The following AOAH variants were observed in gnomAD, a reference collection of about 807,000 sequenced individuals.
The protein encoded by AOAH is acyloxyacyl hydrolase, also known as acyloxyacyl hydrolase (neutrophil).
A neutral mutation model predicts 92.2 loss-of-function variants in AOAH; 64 were observed. That is an observed-to-expected ratio of 0.69 (90% CI 0.57 to 0.86). AOAH has a LOEUF of 0.86. Ranked by LOEUF, AOAH falls within the 40% of genes least tolerant of loss-of-function variation. The pLI is 0.00. For synonymous variants in AOAH, 263 were observed against 254.5 expected, an observed-to-expected ratio of 1.03 and a Z score of -0.32; for missense variants, 656 against 694.6, an observed-to-expected ratio of 0.94 and a Z score of 0.62.
chr7:36,618,364 G>A lies in AOAH; in HGVS notation c.703-19C>T. The A allele has an allele frequency of 6.2e-7, 1 of 1,612,998 alleles. No individual in the cohort carries two copies. Among genetic ancestry groups the A allele is most frequent in the African/African-American group, 1.3e-5 (1 of 74,978 alleles). The stretch of plus-strand genomic sequence containing the variant: ...CGACACCCTTTAAAAAAGAAACGAT[G>A]TGATTAGCAGTTTGGTTTTAAATTT... On this transcript the variant is annotated intron_variant, in intron 9 of 20. Coordinates refer to ENST00000617537, the MANE Select transcript of AOAH (RefSeq NM_001637.4).
intron 16 of AOAH, 144 bp downstream of exon 16, chr7:36,540,175 C>G (rs535988941): frequency 1.4e-6 from 1 of 709,238 alleles, no homozygotes; most frequent in African/African-American, 1.8e-5. Context: ...AGATACTGCA[C>G]CTAGGGGCTC....
intron 4 of AOAH, among the ~76,000 whole-genome samples, chr7:36,654,424 G>A (rs1355326397): frequency 2.0e-5 from 3 of 152,182 alleles, no homozygotes; most frequent in Non-Finnish European, 4.4e-5. Context: ...GTGGTAGGGA[G>A]ACACGTCCAC....
At chr7:36,708,805 C>A (rs1798584489) in intron 1 of AOAH, among the ~76,000 whole-genome samples, 1 of 152,118 alleles carries the variant, frequency 6.6e-6, no homozygotes, top group Non-Finnish European at 1.5e-5. Flanking sequence ...TTCTAAGGAT[C>A]ACTCCTGTGT....
intron 12 of AOAH, among the ~76,000 whole-genome samples, chr7:36,581,008 T>C (rs1215711324): frequency 2.0e-5 from 3 of 152,182 alleles, no homozygotes; most frequent in African/African-American, 7.2e-5. Flanking sequence ...TTGACTTTAG[T>C]GTTTCCAGAG....
At chr7:36,652,233 C>T (rs896233562) in intron 4 of AOAH, among the ~76,000 whole-genome samples, 1 of 151,446 alleles carries the variant, frequency 6.6e-6, no homozygotes, top group African/African-American at 2.4e-5. Flanking sequence ...CAAAAGGACA[C>T]AGGAGCCACC....
chr7:36,627,242 GA>G (rs1183352235), intron 6 of AOAH, among the ~76,000 whole-genome samples: 1 of 151,888 alleles, frequency 6.6e-6, no homozygotes, highest in Non-Finnish European at 1.5e-5. Context: ...ATGTAGAGAG[GA>G]AAAAAACGTT....
At chr7:36,713,167 A>G (rs2116981428) in intron 1 of AOAH, among the ~76,000 whole-genome samples, 1 of 152,336 alleles carries the variant, frequency 6.6e-6, no homozygotes, top group African/African-American at 2.4e-5. Context: ...AAAAAAAGGC[A>G]GGGGTTGCAA....
intron 2 of AOAH, among the ~76,000 whole-genome samples, chr7:36,678,578 T>C (rs1796411429): frequency 1.2e-4 from 15 of 127,536 alleles, no homozygotes; most frequent in African/African-American, 5.3e-4. Context: ...TGTGTGTGTG[T>C]GTGTGTGTGT....
At chr7:36,670,646 T>G (rs904616973) in intron 3 of AOAH, among the ~76,000 whole-genome samples, 1 of 152,064 alleles carries the variant, frequency 6.6e-6, no homozygotes, top group Non-Finnish European at 1.5e-5. Flanking sequence ...GGCTAATTTT[T>G]TTTGTATTTT....
chr7:36,546,009 C>T (rs554424532), intron 15 of AOAH, among the ~76,000 whole-genome samples: 48 of 152,316 alleles, frequency 3.2e-4, no homozygotes, highest in African/African-American at 9.4e-4. Flanking sequence ...ATAGGAAAAG[C>T]GCAAAGGAAG....
chr7:36,674,577 T>C (rs1404358252), intron 2 of AOAH, among the ~76,000 whole-genome samples: 1 of 152,226 alleles, frequency 6.6e-6, no homozygotes, highest in Non-Finnish European at 1.5e-5. Context: ...TAATCTCCCC[T>C]GACCTATGAG....
intron 1 of AOAH, among the ~76,000 whole-genome samples, chr7:36,721,399 C>A (rs888193145): frequency 6.6e-6 from 1 of 152,162 alleles, no homozygotes; most frequent in South Asian, 2.1e-4. Flanking sequence ...TTGCCAAGAG[C>A]ACTTCTCAAT....
At chr7:36,557,543 T>C (rs1786844471) in intron 13 of AOAH, among the ~76,000 whole-genome samples, 1 of 152,222 alleles carries the variant, frequency 6.6e-6, no homozygotes, top group African/African-American at 2.4e-5. Flanking sequence ...CCTTGCTAGA[T>C]TGGGGAAGTT....
At chr7:36,586,813 T>C (rs1789364539) in intron 12 of AOAH, among the ~76,000 whole-genome samples, 1 of 152,220 alleles carries the variant, frequency 6.6e-6, no homozygotes. Flanking sequence ...TGTTAACTTG[T>C]CACTTTTTTT....
At chr7:36,594,454 A>G (rs375891469) in intron 11 of AOAH, 24 bp from the exon 12 acceptor site, 2 of 1,572,138 alleles carry the variant, frequency 1.3e-6, no homozygotes, top group African/African-American at 2.7e-5. Flanking sequence ...TAAAGTAGCA[A>G]TTATCAAAAT....
intron 1 of AOAH, among the ~76,000 whole-genome samples, chr7:36,698,759 G>GT (rs1410483363): frequency 6.6e-6 from 1 of 152,096 alleles, no homozygotes; most frequent in Non-Finnish European, 1.5e-5. Context: ...ATAAATCAGT[G>GT]TAATTGGGAT....
intron 20 of AOAH, among the ~76,000 whole-genome samples, chr7:36,515,876 AC>A: frequency 1.2e-5 from 1 of 81,380 alleles, no homozygotes; most frequent in African/African-American, 4.9e-5. Context: ...CACCACACAC[AC>A]CACACACCAT....
At chr7:36,610,011 A>G (rs1791320790) in intron 11 of AOAH, among the ~76,000 whole-genome samples, 2 of 152,134 alleles carry the variant, frequency 1.3e-5, no homozygotes, top group South Asian at 4.1e-4. Flanking sequence ...AACACACCTC[A>G]TGGCTATTGG....
At chr7:36,721,520 C>T (rs1169441480) in intron 1 of AOAH, among the ~76,000 whole-genome samples, 4 of 152,226 alleles carry the variant, frequency 2.6e-5, no homozygotes, top group Admixed American at 1.3e-4. Context: ...ATAGGCAGTG[C>T]TCAGTAAGTG....
Sources: gnomAD v4.1 joint callset for allele counts (sites outside exome capture counted in the v4.1 genomes callset) on GRCh38, gnomAD v4.1.1 for gene constraint, MANE v1.5 for transcripts, NCBI Gene and HGNC (gene_info 2026-07-23, HGNC 2026-07-21) for gene names.